The following FXR1 variants were observed in gnomAD, a reference collection of about 807,000 sequenced individuals.
The protein encoded by FXR1 is FMR1 autosomal homolog 1, also known as RNA-binding protein FXR1.
FXR1 carries 15 observed loss-of-function variants against 84.0 expected under a neutral mutation model. That is an observed-to-expected ratio of 0.18 (90% CI 0.12 to 0.27). The LOEUF is 0.27. Among genes scored for constraint, FXR1 ranks in the 10% least tolerant of loss-of-function variants. FXR1 has a pLI of 1.00. For synonymous variants in FXR1, 245 were observed against 250.7 expected (o/e 0.98, Z 0.21); for missense variants, 480 against 774.4 (o/e 0.62, Z 4.51).
At chr3:180,915,027 T>C (rs1680536345) in intron 1 of FXR1, 1 of 572,624 alleles carries the variant, frequency 1.7e-6, no homozygotes, top group Admixed American at 6.2e-5. Flanking sequence ...TATCTAACAA[T>C]GGACCCCTGA....
At chr3:180,938,018 T>G (rs1720715001) in intron 3 of FXR1, among the ~76,000 whole-genome samples, 1 of 152,172 alleles carries the variant, frequency 6.6e-6, no homozygotes, top group African/African-American at 2.4e-5. Context: ...GACTTTTGTA[T>G]TCACTTAATT....
chr3:180,953,581 A>AT (rs565644240), intron 8 of FXR1, among the ~76,000 whole-genome samples, 181 bp from the exon 9 acceptor site: 18 of 151,674 alleles, frequency 1.2e-4, no homozygotes, highest in South Asian at 4.2e-4. Context: ...TTTAAAAATG[A>AT]TTTTTTTTTA....
intron 1 of FXR1, among the ~76,000 whole-genome samples, chr3:180,928,174 T>C (rs1164640344): frequency 2.0e-5 from 3 of 151,820 alleles, no homozygotes; most frequent in Admixed American, 2.0e-4. Flanking sequence ...TCCCCAAGAA[T>C]TATTTAAATG....
At chr3:180,976,042 TA>T (rs1393863709) in intron 16 of FXR1, 79 bp from the exon 17 acceptor site, 11 of 1,036,800 alleles carry the variant, frequency 1.1e-5, no homozygotes, top group Non-Finnish European at 1.6e-5. Context: ...ATTAGCTAAT[TA>T]GTGTTTATGT....
intron 1 of FXR1, among the ~76,000 whole-genome samples, chr3:180,926,506 A>ATATATATATATATTTTTTTTTTTTTT (rs72192827): frequency 1.6e-5 from 2 of 124,378 alleles, no homozygotes; most frequent in African/African-American, 5.8e-5. Flanking sequence ...ATATATATAT[A>ATATATATATATATTTTTTTTTTTTTT]TTTTTTTTTC....
chr3:180,921,912 A>G (rs1019248086), intron 1 of FXR1, among the ~76,000 whole-genome samples: 2 of 152,130 alleles, frequency 1.3e-5, no homozygotes, highest in Admixed American at 6.6e-5. Flanking sequence ...TGTAGCACAT[A>G]TACGTGGTTC....
intron 1 of FXR1, among the ~76,000 whole-genome samples, chr3:180,929,150 C>T (rs889891249): frequency 6.6e-6 from 1 of 152,132 alleles, no homozygotes; most frequent in Non-Finnish European, 1.5e-5. Flanking sequence ...TGAACTTTGC[C>T]TGCCTTGGCC....
chr3:180,945,916 GTTTGAGAAA>G lies in FXR1; in HGVS notation c.199-1947_199-1939del, dbSNP rs1224050826. Among the ~76,000 whole-genome samples, 209 of 151,314 alleles carry G rather than the reference GTTTGAGAAA, an allele frequency of 1.4e-3. 1 individual carries two copies. In the Middle Eastern group the frequency reaches 0.037, roughly 27 times the overall value. Reference sequence around the variant, plus strand: ...AAATACATCGTTTGAGAAATACATCGTTTGAGAAATACATTGAGAACATTCATCTAAGAT... The same window carrying G: ...AAATACATCGTTTGAGAAATACATCGTACATTGAGAACATTCATCTAAGAT... On this transcript the variant is annotated intron_variant, in intron 3 of 16. Coordinates refer to ENST00000357559, the MANE Select transcript of FXR1 (RefSeq NM_005087.4).
rs373868693 is a variant in FXR1, at chr3:180,980,760, A to T, written c.*4468A>T. The T allele has an allele frequency of 2.0e-5, 3 of 152,012 alleles. No individual in the cohort carries two copies. The highest frequency in any genetic ancestry group is 4.4e-5 in the Non-Finnish European group (3 of 67,924). 9.4% of individuals were successfully genotyped at this position (152,012 alleles called of 1,614,324 possible). ...CAGGATAGAAGCTCTTCCTATATAT[A>T]TCTTGTTGCTAAGGCAGTAGTTGGC... On this transcript the variant is annotated 3_prime_UTR_variant, in exon 17 of 17. Transcript: ENST00000357559.
At position 180,948,832 on chromosome 3, in the gene FXR1, T is replaced by A; in HGVS notation, c.513+18T>A. 9.3e-7 allele frequency: 1 copy of A among 1,077,068 alleles called. No homozygotes were observed. The highest frequency in any genetic ancestry group is 1.4e-6 in the Non-Finnish European group (1 of 697,998). The allele number at this position is 1,077,068 out of a possible 1,614,324, so 66.7% of individuals were successfully genotyped here. A position where few individuals can be genotyped will look rare whatever the true frequency, so the allele number is the denominator to read the frequency against. On this transcript the variant is annotated intron_variant, in intron 6 of 16. Coordinates refer to ENST00000357559, the MANE Select transcript of FXR1 (RefSeq NM_005087.4). ...TGATACTGGTAAGATAGTACCATAT[T>A]ATAAGGTAGCTTATTAATGGATATT...
intron 1 of FXR1, among the ~76,000 whole-genome samples, chr3:180,927,445 A>AT (rs1236407683): frequency 1.3e-5 from 2 of 151,996 alleles, no homozygotes; most frequent in African/African-American, 4.8e-5. Flanking sequence ...ATCTGTTCAG[A>AT]TTTTTTGCTA....
chr3:180,971,991 T>C (rs533960319), intron 15 of FXR1, among the ~76,000 whole-genome samples: 3 of 152,318 alleles, frequency 2.0e-5, no homozygotes, highest in African/African-American at 7.2e-5. Context: ...ATTTTAAATT[T>C]AGTGGTTGTA....
At chr3:180,926,506 A>ATATATATATATATATAT (rs72192827) in intron 1 of FXR1, among the ~76,000 whole-genome samples, 72 of 124,350 alleles carry the variant, frequency 5.8e-4, no homozygotes, top group South Asian at 9.8e-4. Flanking sequence ...ATATATATAT[A>ATATATATATATATATAT]TTTTTTTTTC....
At chr3:180,965,483 A>G (rs1165690789) in intron 13 of FXR1, among the ~76,000 whole-genome samples, 1 of 105,146 alleles carries the variant, frequency 9.5e-6, no homozygotes, top group Non-Finnish European at 2.4e-5. Flanking sequence ...ACAGAAATTT[A>G]TTATCTTATA....
chr3:180,916,946 T>C lies in FXR1; in HGVS notation c.51+4210T>C, dbSNP rs1369867325. On this transcript the variant is annotated intron_variant, in intron 1 of 16. Coordinates refer to ENST00000357559, the MANE Select transcript of FXR1 (RefSeq NM_005087.4). ...GACTCAGTGGTTCAAGCGATTCTCC[T>C]GCCTCAGCCTCCTGAGTAGCTGGTA... Among the ~76,000 whole-genome samples the C allele has an allele frequency of 2.0e-5, 3 of 152,152 alleles. No individual in the cohort carries two copies. The East Asian group carries it at 5.8e-4, about 29-fold the overall frequency.
Position 180,932,454 on chromosome 3 carries a change from A to G in FXR1, c.52-880A>G, listed in dbSNP as rs148536594. ...TATAAGTGCCAAGGACTGCTTGCCT[A>G]TGGTTACACAGTGGTGGAATCAGGA... is the stretch of plus-strand genomic sequence containing the variant. On this transcript the variant is annotated intron_variant, in intron 1 of 16. Coordinates refer to ENST00000357559, the MANE Select transcript of FXR1 (RefSeq NM_005087.4). Among the ~76,000 whole-genome samples the G allele has an allele frequency of 6.6e-5, 10 of 152,344 alleles. No homozygotes were observed. In the East Asian group the frequency reaches 1.7e-3, roughly 26 times the overall value.
intron 3 of FXR1, 41 bp from the exon 4 acceptor site, chr3:180,947,823 CT>C (rs766863977): frequency 5.4e-6 from 6 of 1,106,940 alleles, no homozygotes; most frequent in Non-Finnish European, 6.7e-6. Context: ...GCATTGAAAT[CT>C]TTTGGGATGA....
At chr3:180,942,789 G>A (rs970865416) in intron 3 of FXR1, among the ~76,000 whole-genome samples, 3 of 152,232 alleles carry the variant, frequency 2.0e-5, no homozygotes, top group Non-Finnish European at 4.4e-5. Flanking sequence ...GAATTTCTGT[G>A]GGGCGCTGTT....
chr3:180,946,862 A>G (rs1165927320), intron 3 of FXR1, among the ~76,000 whole-genome samples: 1 of 151,990 alleles, frequency 6.6e-6, no homozygotes, highest in African/African-American at 2.4e-5. Flanking sequence ...CTTGGTTTTT[A>G]TTGGTTTTTA....
Sources: gnomAD v4.1 joint callset for allele counts (sites outside exome capture counted in the v4.1 genomes callset) on GRCh38, gnomAD v4.1.1 for gene constraint, MANE v1.5 for transcripts, NCBI Gene and HGNC (gene_info 2026-07-23, HGNC 2026-07-21) for gene names.